Variants in LRPPRC observed in about 807,000 individuals in gnomAD.
LRPPRC encodes leucine rich pentatricopeptide repeat containing.
Under a neutral mutation model 180.3 loss-of-function variants are expected in LRPPRC, and 120 were observed. That is an observed-to-expected ratio of 0.67 (90% CI 0.57 to 0.77). The LOEUF (loss-of-function observed/expected upper bound fraction) is 0.77, where lower values mean the gene tolerates loss of function less well. Ranked by LOEUF, LRPPRC falls within the 30% of genes least tolerant of loss-of-function variation. LRPPRC has a pLI of 0.00. For synonymous variants in LRPPRC, 723 were observed against 600.0 expected (o/e 1.21, Z -3.00); for missense variants, 2,012 against 1,657.2 (o/e 1.21, Z -3.72).
At chr2:43,944,921 C>T (rs1202878933) in intron 22 of LRPPRC, among the ~76,000 whole-genome samples, 1 of 152,022 alleles carries the variant, frequency 6.6e-6, no homozygotes. Flanking sequence ...GCAAAGACTA[C>T]TGCAAAATTC....
At chr2:43,986,884 G>T (rs973677825) in intron 1 of LRPPRC, among the ~76,000 whole-genome samples, 2 of 152,202 alleles carry the variant, frequency 1.3e-5, no homozygotes, top group Admixed American at 6.5e-5. Context: ...TGGATTTTAT[G>T]ACACACTTGT....
chr2:43,950,160 A>G (rs1648467977), intron 15 of LRPPRC, among the ~76,000 whole-genome samples: 1 of 152,206 alleles, frequency 6.6e-6, no homozygotes, highest in Admixed American at 6.5e-5. Flanking sequence ...TAATGAGACT[A>G]AAACAAAAGG....
chr2:43,893,860 C>A (rs976979224), intron 36 of LRPPRC, among the ~76,000 whole-genome samples: 1 of 152,070 alleles, frequency 6.6e-6, no homozygotes, highest in African/African-American at 2.4e-5. Flanking sequence ...GTTGTCCTCC[C>A]ATAGATAAAA....
chr2:43,996,031 G>C, upstream of LRPPRC: 3 of 1,407,502 alleles, frequency 2.1e-6, no homozygotes, highest in African/African-American at 1.5e-5. Flanking sequence ...TGGCGCGGCA[G>C]AGACCAACTG....
At chr2:43,941,571 C>T (rs1332371700) in intron 23 of LRPPRC, among the ~76,000 whole-genome samples, 3 of 151,962 alleles carry the variant, frequency 2.0e-5, no homozygotes, top group Non-Finnish European at 2.9e-5. Context: ...TGTGGTTAAT[C>T]CTAGCACTTG....
chr2:43,911,519 TC>T lies in LRPPRC; in HGVS notation c.3275+912del, dbSNP rs1323997585. Among the ~76,000 whole-genome samples the T allele has an allele frequency of 1.4e-3, 185 of 127,822 alleles. 1 individual carries two copies. Among genetic ancestry groups the T allele is most frequent in the African/African-American group, 5.4e-3 (170 of 31,696 alleles). 83.9% of individuals were successfully genotyped at this position (127,822 alleles called of 152,430 possible). The stretch of plus-strand genomic sequence containing the variant: ...ATTCCTTTTCTTTTCTTCTTCTTCT[TC>T]TTCTTTTTTTTTTTTTTTTTTTTTG... On this transcript the variant is annotated intron_variant, in intron 30 of 37. Coordinates refer to ENST00000260665, the MANE Select transcript of LRPPRC (RefSeq NM_133259.4).
chr2:43,894,433 G>T, intron 36 of LRPPRC, 112 bp downstream of exon 36: 1 of 653,044 alleles, frequency 1.5e-6, no homozygotes, highest in Non-Finnish European at 2.8e-6. Context: ...TACTGCCTTT[G>T]AGCTGAAGAC....
intron 31 of LRPPRC, chr2:43,903,960 G>A (rs367719426): frequency 6.6e-6 from 1 of 151,884 alleles, no homozygotes; most frequent in African/African-American, 2.4e-5. Flanking sequence ...TTTTGGGGGG[G>A]CCGGGAGAAG....
intron 1 of LRPPRC, 109 bp from the exon 2 acceptor site, chr2:43,982,543 A>G: frequency 1.3e-6 from 1 of 788,992 alleles, no homozygotes; most frequent in East Asian, 2.7e-5. Flanking sequence ...CTAAAATCAC[A>G]GTACAATACC....
chr2:43,995,791 G>T lies in LRPPRC; in HGVS notation c.149+8C>A, dbSNP rs548205703. The T allele has an allele frequency of 2.9e-6, 4 of 1,383,556 alleles. No individual in the cohort carries two copies. Among genetic ancestry groups the T allele is most frequent in the East Asian group, 5.9e-5 (2 of 33,848 alleles). The allele number at this position is 1,383,556 out of a possible 1,614,324, so 85.7% of individuals were successfully genotyped here. ...CAGCTTGCCTGGAGAAAGGGCCTGG[G>T]CACTCACCCGGCCACGGGCCCGGCG... On this transcript the variant is annotated splice_region_variant and intron_variant, in intron 1 of 37. Coordinates refer to ENST00000260665, the MANE Select transcript of LRPPRC (RefSeq NM_133259.4).
chr2:43,934,280 G>A lies in LRPPRC; in HGVS notation c.2646C>T (p.Ser882=). The stretch of plus-strand genomic sequence containing the variant: ...GCATCACCATTTCACCTTGTTCTTG[G>A]CTCACAAAGTCCATTGCTAGGTAGG... The part of the protein sequence containing the change: ...DLIQKAMDFV[S]QEQGEMVMLY... Residue 882 remains serine (S), a synonymous_variant, in exon 25 of 38, where the codon AGC becomes AGT. Coordinates refer to ENST00000260665, the MANE Select transcript of LRPPRC (RefSeq NM_133259.4). 6.2e-7 allele frequency: 1 copy of A among 1,600,728 alleles called. No homozygotes were observed. Among genetic ancestry groups the A allele is most frequent in the African/African-American group, 1.3e-5 (1 of 74,622 alleles).
rs554426967 is a variant in LRPPRC at position 43,899,081 on chromosome 2, T to C, written c.3825+138A>G. ...TCCAGTCCTTGTCCTGCAACCGTGA[T>C]TCACACTGAATGTAAACAAGCTAGC... On this transcript the variant is annotated intron_variant, in intron 34 of 37. Transcript: ENST00000260665. 35 of 701,658 alleles carry C rather than the reference T, an allele frequency of 5.0e-5. No individual in the cohort carries two copies. In the East Asian group the frequency reaches 9.5e-4, roughly 19 times the overall value. 43.5% of individuals were successfully genotyped at this position (701,658 alleles called of 1,614,324 possible).
intron 35 of LRPPRC, among the ~76,000 whole-genome samples, chr2:43,895,064 C>G (rs1290845829): frequency 6.6e-6 from 1 of 152,172 alleles, no homozygotes; most frequent in Non-Finnish European, 1.5e-5. Flanking sequence ...TTTCCAGAAT[C>G]TCACTGAAAT....
Position 43,936,958 on chromosome 2 carries a change from C to T in LRPPRC, c.2505-2080G>A, listed in dbSNP as rs143312837. Reference sequence around the variant, plus strand: ...ATTGCCTTTCTATAACTCTGCTTAACGAAAAACTACTAAAACATTTTTTAA... The same window carrying T: ...ATTGCCTTTCTATAACTCTGCTTAATGAAAAACTACTAAAACATTTTTTAA... On this transcript the variant is annotated intron_variant, in intron 23 of 37. Coordinates refer to ENST00000260665, the MANE Select transcript of LRPPRC (RefSeq NM_133259.4). Among the ~76,000 whole-genome samples, 124 of 152,248 alleles carry T rather than the reference C, an allele frequency of 8.1e-4. 1 individual carries two copies. In the Middle Eastern group the frequency reaches 0.017, roughly 21 times the overall value.
intron 27 of LRPPRC, among the ~76,000 whole-genome samples, chr2:43,924,785 G>A (rs551183893): frequency 1.3e-3 from 193 of 152,234 alleles, no homozygotes; most frequent in Middle Eastern, 6.8e-3. Flanking sequence ...CAGAAAGACC[G>A]TTCTTACCTC....
At chr2:43,922,165 T>C (rs1263542575) in intron 27 of LRPPRC, among the ~76,000 whole-genome samples, 1 of 152,172 alleles carries the variant, frequency 6.6e-6, no homozygotes, top group African/African-American at 2.4e-5. Context: ...AAATGAAGTT[T>C]GAATTAGGAC....
intron 15 of LRPPRC, among the ~76,000 whole-genome samples, chr2:43,950,237 G>T (rs1238804846): frequency 6.6e-6 from 1 of 151,050 alleles, no homozygotes; most frequent in African/African-American, 2.4e-5. Flanking sequence ...TTTATTTTAA[G>T]TTCAGGGGTA....
At chr2:43,977,363 G>A (rs1674104935) in intron 3 of LRPPRC, 87 bp from the exon 4 acceptor site, 1 of 1,033,210 alleles carries the variant, frequency 9.7e-7, no homozygotes, top group African/African-American at 1.6e-5. Flanking sequence ...AACAAAAAGA[G>A]TAAAACTATC....
At chr2:43,917,716 A>G (rs1572915830) in intron 29 of LRPPRC, among the ~76,000 whole-genome samples, 1 of 152,032 alleles carries the variant, frequency 6.6e-6, no homozygotes. Flanking sequence ...GTGAACCCAG[A>G]AGGCGGAGCT....
Sources: allele counts gnomAD v4.1 joint callset (sites outside exome capture counted in the v4.1 genomes callset), GRCh38; gene constraint gnomAD v4.1.1; transcripts MANE v1.5; gene names NCBI Gene and HGNC (gene_info 2026-07-23, HGNC 2026-07-21).